SPTSSB: variants seen among roughly 807,000 people sequenced by gnomAD.
SPTSSB encodes the protein androgen down regulated in mouse prostate.
Under a neutral mutation model 7.7 loss-of-function variants are expected in SPTSSB, and 6 were observed. The ratio of observed to expected loss-of-function variants is 0.78; its 90% CI spans 0.43 to 1.54. The LOEUF (loss-of-function observed/expected upper bound fraction) is 1.54, where lower values mean the gene tolerates loss of function less well. Among genes scored for constraint, SPTSSB ranks in the 40% most tolerant of loss-of-function variants. The pLI is 0.01. For missense variants in SPTSSB, 91 were observed against 93.0 expected, an observed-to-expected ratio of 0.98 and a Z score of 0.09; for synonymous variants, 28 against 29.7, an observed-to-expected ratio of 0.94 and a Z score of 0.19.
intron 2 of SPTSSB, chr3:161,359,572 CG>C (rs1226543535): frequency 2.9e-6 from 1 of 350,384 alleles, no homozygotes; most frequent in Non-Finnish European, 4.0e-6. Context: ...TTTCTGCACA[CG>C]TTTCAAAGGA....
At chr3:161,350,892 T>C (rs1346216997) in intron 2 of SPTSSB, among the ~76,000 whole-genome samples, 3 of 152,126 alleles carry the variant, frequency 2.0e-5, no homozygotes, top group Non-Finnish European at 4.4e-5. Context: ...CTTCATGATA[T>C]GATGTCAAAA....
chr3:161,346,542 C>T (rs1342262376), intron 2 of SPTSSB, among the ~76,000 whole-genome samples, 187 bp from the exon 3 acceptor site: 3 of 151,824 alleles, frequency 2.0e-5, no homozygotes, highest in African/African-American at 7.3e-5. Flanking sequence ...ATATTGTCAC[C>T]ACTACTAATA....
In SPTSSB at chr3:161,346,274, T is replaced by G; in HGVS notation, c.50A>C (p.Tyr17Ser). The change falls in exon 3 of 3, where the codon TAC becomes TCC. Residue 17 changes from tyrosine to serine, a missense_variant. Tyr to Ser is a moderately radical substitution (Grantham distance 144). Transcript: ENST00000620149. ...AACAGCACAGCAGCTAATGATTTGG[T>G]ATTGATAGTAGAGCCAGGAGAAATA... is the stretch of plus-strand genomic sequence containing the variant. Reference protein sequence around the residue: ...KEYFSWLYYQYQIISCCAVLE... With the variant: ...KEYFSWLYYQSQIISCCAVLE... 4 of 1,613,984 alleles carry G rather than the reference T, an allele frequency of 2.5e-6. No homozygotes were observed. The highest frequency in any genetic ancestry group is 3.4e-6 in the Non-Finnish European group (4 of 1,179,900).
At chr3:161,369,276 TC>T (rs1576904599) in intron 1 of SPTSSB, among the ~76,000 whole-genome samples, 1 of 138,410 alleles carries the variant, frequency 7.2e-6, no homozygotes, top group African/African-American at 2.9e-5. Context: ...TTCTTTTTCT[TC>T]TTTCTTTCTT....
intron 2 of SPTSSB, among the ~76,000 whole-genome samples, chr3:161,357,386 C>G (rs536067604): frequency 5.9e-5 from 9 of 152,188 alleles, no homozygotes; most frequent in Non-Finnish European, 1.2e-4. Flanking sequence ...TTGGGTTCAT[C>G]CTCCTTCACC....
chr3:161,347,773 T>C (rs139286940), intron 2 of SPTSSB, among the ~76,000 whole-genome samples: 77 of 152,068 alleles, frequency 5.1e-4, no homozygotes, highest in African/African-American at 1.8e-3. Flanking sequence ...CTGGGGAGGC[T>C]GAGGCAGGAG....
intron 2 of SPTSSB, among the ~76,000 whole-genome samples, chr3:161,349,624 T>A (rs1005228704): frequency 6.6e-6 from 1 of 152,246 alleles, no homozygotes; most frequent in Non-Finnish European, 1.5e-5. Context: ...CTAAACTTGA[T>A]GACTTTAAAA....
chr3:161,369,262 CTCTT>C (rs935827206), intron 1 of SPTSSB, among the ~76,000 whole-genome samples: 11 of 148,536 alleles, frequency 7.4e-5, no homozygotes, highest in East Asian at 4.0e-4. Context: ...TTCTTTCTTT[CTCTT>C]TCTTTTTCTT....
intron 2 of SPTSSB, among the ~76,000 whole-genome samples, chr3:161,354,595 C>T (rs1045444039): frequency 6.6e-6 from 1 of 152,260 alleles, no homozygotes; most frequent in Non-Finnish European, 1.5e-5. Context: ...ATCCTTCCAC[C>T]TTGACCTCCC....
chr3:161,363,720 C>T (rs1023186734), intron 1 of SPTSSB, among the ~76,000 whole-genome samples: 3 of 151,908 alleles, frequency 2.0e-5, no homozygotes, highest in African/African-American at 4.8e-5. Flanking sequence ...ATTCTGTATT[C>T]TGATTTTTTC....
At chr3:161,347,453 G>C (rs1326865165) in intron 2 of SPTSSB, among the ~76,000 whole-genome samples, 1 of 151,826 alleles carries the variant, frequency 6.6e-6, no homozygotes, top group Non-Finnish European at 1.5e-5. Flanking sequence ...GTAGAGATGG[G>C]GTTTCACCAT....
At chr3:161,358,240 T>G (rs752168587) in intron 2 of SPTSSB, among the ~76,000 whole-genome samples, 8 of 152,048 alleles carry the variant, frequency 5.3e-5, no homozygotes, top group Non-Finnish European at 1.2e-4. Flanking sequence ...ACTTAAATTA[T>G]CCCTGTTTTA....
intron 2 of SPTSSB, among the ~76,000 whole-genome samples, chr3:161,356,814 C>A (rs1482795578): frequency 6.6e-6 from 1 of 152,028 alleles, no homozygotes; most frequent in Non-Finnish European, 1.5e-5. Flanking sequence ...GCTTCTGCAT[C>A]TCACTTATTA....
chr3:161,367,134 G>C (rs899747941), intron 1 of SPTSSB, among the ~76,000 whole-genome samples: 1 of 152,158 alleles, frequency 6.6e-6, no homozygotes, highest in Admixed American at 6.5e-5. Flanking sequence ...CTGAGATCAC[G>C]CCATTGCACT....
intron 1 of SPTSSB, among the ~76,000 whole-genome samples, chr3:161,363,386 A>G (rs1040549899): frequency 6.6e-6 from 1 of 151,918 alleles, no homozygotes; most frequent in African/African-American, 2.4e-5. Flanking sequence ...GTGAAGGTAG[A>G]TCAGATAAAG....
In SPTSSB at chr3:161,346,339, G is replaced by T. The variant is rs753142278; in HGVS notation, c.-16C>A. 1 of 1,550,188 alleles carries T rather than the reference G, an allele frequency of 6.5e-7. No homozygotes were observed. Among genetic ancestry groups the T allele is most frequent in the Admixed American group, 1.7e-5 (1 of 59,922 alleles). ...TCAAATCCATGGTTGGCTCCTTCAA[G>T]CTGCAGTAAGTTTGTCCTGTTAAAG... On this transcript the variant is annotated 5_prime_UTR_variant, in exon 3 of 3. Coordinates refer to ENST00000620149, the MANE Select transcript of SPTSSB (RefSeq NM_001040100.2).
chr3:161,369,274 CTTCT>C (rs1452848904), intron 1 of SPTSSB, among the ~76,000 whole-genome samples: 8 of 137,462 alleles, frequency 5.8e-5, no homozygotes, highest in African/African-American at 1.7e-4. Context: ...CTTTCTTTTT[CTTCT>C]TTCTTTCTTT....
intron 2 of SPTSSB, among the ~76,000 whole-genome samples, chr3:161,349,850 T>A (rs1456772058): frequency 3.9e-5 from 6 of 152,202 alleles, no homozygotes; most frequent in South Asian, 4.1e-4. Context: ...GATTATTTCT[T>A]ATTTCTGATT....
At chr3:161,353,842 A>C (rs1714651411) in intron 2 of SPTSSB, among the ~76,000 whole-genome samples, 1 of 152,158 alleles carries the variant, frequency 6.6e-6, no homozygotes, top group South Asian at 2.1e-4. Flanking sequence ...CCTACAGAAA[A>C]TTCCATCCTT....
Sources: allele counts gnomAD v4.1 joint callset (sites outside exome capture counted in the v4.1 genomes callset), GRCh38; gene constraint gnomAD v4.1.1; transcripts MANE v1.5; gene names NCBI Gene and HGNC (gene_info 2026-07-23, HGNC 2026-07-21).